Variants in SPOPL observed in about 807,000 individuals in gnomAD.
SPOPL encodes speckle-type POZ protein-like.
SPOPL carries 23 observed loss-of-function variants against 53.8 expected under a neutral mutation model. The ratio of observed to expected loss-of-function variants is 0.43; its 90% CI spans 0.31 to 0.61. The LOEUF (loss-of-function observed/expected upper bound fraction) is 0.61. Ranked by LOEUF, SPOPL falls within the 20% of genes least tolerant of loss-of-function variation. SPOPL has a pLI of 0.12. For missense variants in SPOPL, 442 were observed against 466.9 expected, an observed-to-expected ratio of 0.95 and a Z score of 0.49; for synonymous variants, 164 against 149.7, an observed-to-expected ratio of 1.10 and a Z score of -0.70.
In SPOPL at chr2:138,559,301, C is replaced by T. The variant is rs534991832; in HGVS notation, c.678C>T (p.Asn226=). 28 of 1,612,512 alleles carry T rather than the reference C, an allele frequency of 1.7e-5. No homozygotes were observed. Among genetic ancestry groups the T allele is most frequent in the South Asian group, 1.7e-4 (15 of 90,644 alleles). ...SVLAARSPVF[N]AMFEHEMEES... ...TTACAGCTCGATCTCCAGTTTTTAA[C>T]GCCATGTTTGAACATGAAATGGAAG... Residue 226 remains asparagine, a synonymous_variant, in exon 7 of 11, where the codon AAC becomes AAT. Coordinates refer to ENST00000280098, the MANE Select transcript of SPOPL (RefSeq NM_001001664.3).
At chr2:138,530,054 C>A (rs1274537223) in intron 1 of SPOPL, among the ~76,000 whole-genome samples, 1 of 152,142 alleles carries the variant, frequency 6.6e-6, no homozygotes, top group Non-Finnish European at 1.5e-5. Flanking sequence ...CTGCCACTTA[C>A]AAGTGAGAAC....
intron 1 of SPOPL, among the ~76,000 whole-genome samples, chr2:138,534,805 T>G (rs2104876695): frequency 6.6e-6 from 1 of 152,330 alleles, no homozygotes; most frequent in Non-Finnish European, 1.5e-5. Flanking sequence ...AATCTGCTTT[T>G]TGTATGTATG....
intron 1 of SPOPL, among the ~76,000 whole-genome samples, chr2:138,506,562 G>A (rs1684219124): frequency 6.6e-6 from 1 of 152,128 alleles, no homozygotes; most frequent in Admixed American, 6.5e-5. Context: ...ATGAGATTTG[G>A]GGGTCCTGGG....
intron 1 of SPOPL, among the ~76,000 whole-genome samples, chr2:138,507,535 G>A (rs1400198772): frequency 3.3e-5 from 5 of 152,218 alleles, no homozygotes; most frequent in Admixed American, 2.6e-4. Context: ...CCCTTGAGCA[G>A]AGTGTTTCTG....
chr2:138,534,773 C>T (rs1684892075), intron 1 of SPOPL, among the ~76,000 whole-genome samples: 1 of 152,166 alleles, frequency 6.6e-6, no homozygotes, highest in Non-Finnish European at 1.5e-5. Context: ...ATTTCCCCCT[C>T]CCCACAGGTC....
chr2:138,550,680 A>G, intron 3 of SPOPL, 76 bp downstream of exon 3: 1 of 1,529,728 alleles, frequency 6.5e-7, no homozygotes, highest in Non-Finnish European at 8.8e-7. Flanking sequence ...TTTTGTTATC[A>G]TTTTTCCTGA....
At chr2:138,553,606 A>G (rs1685359631) in intron 5 of SPOPL, among the ~76,000 whole-genome samples, 3 of 152,128 alleles carry the variant, frequency 2.0e-5, no homozygotes, top group Admixed American at 2.0e-4. Flanking sequence ...TAGTAAGTGT[A>G]TAAGATTTCT....
In SPOPL at chr2:138,564,482, A is replaced by G. The variant is rs142419714; in HGVS notation, c.838-226A>G. 751 of 473,718 alleles carry G rather than the reference A, an allele frequency of 1.6e-3. 7 individuals are homozygous for G. Among genetic ancestry groups the G allele is most frequent in the African/African-American group, 0.014 (702 of 50,552 alleles). The allele number at this position is 473,718 out of a possible 1,614,324, so 29.3% of individuals were successfully genotyped here. On this transcript the variant is annotated intron_variant, in intron 8 of 10. Coordinates refer to ENST00000280098, the MANE Select transcript of SPOPL (RefSeq NM_001001664.3). ...GCTTTTTAGAATAAATCCTACTTCA[A>G]AAATACGCTTATGCAAATTGCAGTT...
At chr2:138,521,525 CA>C (rs1558864299) in intron 1 of SPOPL, among the ~76,000 whole-genome samples, 2 of 152,058 alleles carry the variant, frequency 1.3e-5, no homozygotes, top group African/African-American at 4.8e-5. Context: ...ATTGTGTACA[CA>C]GGGGTTCACT....
chr2:138,560,924 CAAAG>C lies in SPOPL; in HGVS notation c.835_837+1del, dbSNP rs1185127109. Reference sequence around the variant, plus strand: ...CTGACAACTTGTTGGCAGCTGCAGACAAAGTAAGTAATTAGGTCTTAAGGAACCA... The same window carrying C: ...CTGACAACTTGTTGGCAGCTGCAGACTAAGTAATTAGGTCTTAAGGAACCA... On this transcript the variant is annotated splice_donor_variant and coding_sequence_variant, in exon 8 of 11. Transcript: ENST00000280098. LOFTEE classifies it high-confidence loss of function. 6.2e-7 allele frequency: 1 copy of C among 1,608,010 alleles called. No individual in the cohort carries two copies. Among genetic ancestry groups the C allele is most frequent in the Admixed American group, 1.7e-5 (1 of 58,622 alleles).
intron 1 of SPOPL, among the ~76,000 whole-genome samples, chr2:138,529,548 G>GCGCA (rs1419821273): frequency 0.011 from 1,707 of 151,744 alleles, 41 homozygotes; most frequent in African/African-American, 0.039. Context: ...GCGTGCGCGC[G>GCGCA]CGCTTCTGCA....
At chr2:138,510,661 C>A (rs545771002) in intron 1 of SPOPL, among the ~76,000 whole-genome samples, 2 of 152,160 alleles carry the variant, frequency 1.3e-5, no homozygotes, top group Non-Finnish European at 2.9e-5. Flanking sequence ...TAATACCCCT[C>A]TTTATTCCTG....
intron 1 of SPOPL, among the ~76,000 whole-genome samples, chr2:138,526,647 A>G (rs986012995): frequency 6.6e-6 from 1 of 152,052 alleles, no homozygotes; most frequent in African/African-American, 2.4e-5. Flanking sequence ...TACATTTTAA[A>G]TATAGGATGT....
chr2:138,552,492 A>G, intron 4 of SPOPL, 62 bp from the exon 5 acceptor site: 1 of 1,545,786 alleles, frequency 6.5e-7, no homozygotes, highest in Non-Finnish European at 8.7e-7. Context: ...TAACTGTGTT[A>G]CCATGTTTAA....
At chr2:138,521,983 A>T (rs924966194) in intron 1 of SPOPL, among the ~76,000 whole-genome samples, 4 of 152,324 alleles carry the variant, frequency 2.6e-5, no homozygotes, top group African/African-American at 9.6e-5. Context: ...TTCAGCCTTC[A>T]GACTAGAACA....
At chr2:138,532,571 C>G (rs1160567548) in intron 1 of SPOPL, among the ~76,000 whole-genome samples, 31 of 149,346 alleles carry the variant, frequency 2.1e-4, no homozygotes, top group Non-Finnish European at 4.2e-4. Context: ...GGACTACAGG[C>G]GCCTACCACC....
At chr2:138,515,036 A>C (rs891545928) in intron 1 of SPOPL, among the ~76,000 whole-genome samples, 20 of 152,188 alleles carry the variant, frequency 1.3e-4, no homozygotes, top group African/African-American at 4.6e-4. Context: ...ATATTTTCAT[A>C]AAACCTATCA....
chr2:138,536,757 A>G (rs1018185047), intron 1 of SPOPL, among the ~76,000 whole-genome samples: 4 of 152,064 alleles, frequency 2.6e-5, no homozygotes, highest in African/African-American at 7.2e-5. Context: ...TTTTCAGATC[A>G]TGCTTGCCTG....
In SPOPL at chr2:138,518,046, C is replaced by CAA. The variant is rs61662616; in HGVS notation, c.-61+15945_-61+15946dup. ...CTGGGCAACAAGAGCGAAACTGTCTCAAAAAAAAAAAAAAAAAAAGAAAAG... is the reference window on the plus strand; with the variant it reads ...CTGGGCAACAAGAGCGAAACTGTCTCAAAAAAAAAAAAAAAAAAAAAGAAAAG... On this transcript the variant is annotated intron_variant, in intron 1 of 10. Transcript: ENST00000280098. Among the ~76,000 whole-genome samples the CAA allele has an allele frequency of 5.9e-3, 396 of 67,636 alleles. 4 individuals are homozygous for CAA. Among genetic ancestry groups the CAA allele is most frequent in the African/African-American group, 0.017 (319 of 19,100 alleles). 44.4% of individuals were successfully genotyped at this position (67,636 alleles called of 152,430 possible). A position where few individuals can be genotyped will look rare whatever the true frequency, so the allele number is the denominator to read the frequency against.
Sources: allele counts gnomAD v4.1 joint callset (sites outside exome capture counted in the v4.1 genomes callset), GRCh38; gene constraint gnomAD v4.1.1; transcripts MANE v1.5; gene names NCBI Gene and HGNC (gene_info 2026-07-23, HGNC 2026-07-21).